The following PRKG1 variants were observed in gnomAD, a reference collection of about 807,000 sequenced individuals.
The protein encoded by PRKG1 is protein kinase cGMP-dependent 1, also known as cGMP-dependent protein kinase 1.
A neutral mutation model predicts 88.1 loss-of-function variants in PRKG1; 35 were observed. The observed-to-expected ratio is 0.40, with a 90% CI of 0.30 to 0.53. PRKG1 has a LOEUF of 0.53. Among genes scored for constraint, PRKG1 ranks in the 20% least tolerant of loss-of-function variants. The pLI, the probability that PRKG1 is intolerant of heterozygous loss-of-function variation, is 0.59. For missense variants in PRKG1, 540 were observed against 839.8 expected (o/e 0.64, Z 4.41); for synonymous variants, 303 against 292.5 (o/e 1.04, Z -0.37).
intron 3 of PRKG1, among the ~76,000 whole-genome samples, chr10:51,715,321 A>T (rs570726304): frequency 4.6e-5 from 7 of 152,200 alleles, no homozygotes; most frequent in African/African-American, 1.7e-4. Context: ...TCTTAATCTA[A>T]TTAGCATGTG....
intron 1 of PRKG1, among the ~76,000 whole-genome samples, chr10:51,051,062 A>C (rs1039896189): frequency 6.6e-6 from 1 of 151,878 alleles, no homozygotes; most frequent in Non-Finnish European, 1.5e-5. Flanking sequence ...GGATATGAAC[A>C]CCTCATCAGA....
At chr10:51,613,928 A>G (rs1838977797) in intron 3 of PRKG1, among the ~76,000 whole-genome samples, 1 of 151,886 alleles carries the variant, frequency 6.6e-6, no homozygotes. Context: ...TATCCTGGAG[A>G]ATATTCCATG....
At chr10:51,907,640 G>C in intron 5 of PRKG1, 70 bp downstream of exon 5, 3 of 1,336,290 alleles carry the variant, frequency 2.2e-6, no homozygotes, top group Non-Finnish European at 3.2e-6. Flanking sequence ...TTTCACAGCT[G>C]TGTGATGAGG....
intron 2 of PRKG1, among the ~76,000 whole-genome samples, chr10:51,251,277 C>T (rs937873093): frequency 1.3e-4 from 19 of 151,742 alleles, no homozygotes; most frequent in Admixed American, 1.3e-3. Flanking sequence ...TTTAGTCTGA[C>T]AGAATCAAGT....
chr10:51,044,736 G>A (rs536705590), intron 1 of PRKG1, among the ~76,000 whole-genome samples: 3 of 152,214 alleles, frequency 2.0e-5, no homozygotes, highest in South Asian at 4.2e-4. Flanking sequence ...TGTTGGGCTA[G>A]GTGGGGAGAG....
At chr10:52,272,005 T>C (rs1025832750) in intron 11 of PRKG1, among the ~76,000 whole-genome samples, 2 of 152,088 alleles carry the variant, frequency 1.3e-5, no homozygotes, top group Non-Finnish European at 2.9e-5. Context: ...GAATAGCATA[T>C]GAAATTTATA....
At chr10:52,251,505 G>T in intron 9 of PRKG1, 65 bp from the exon 10 acceptor site, 2 of 1,188,776 alleles carry the variant, frequency 1.7e-6, no homozygotes, top group African/African-American at 1.5e-5. Flanking sequence ...TTCTGGTACA[G>T]ATGTACGTGG....
chr10:51,895,782 T>C (rs1346225696), intron 4 of PRKG1, among the ~76,000 whole-genome samples: 3 of 152,042 alleles, frequency 2.0e-5, no homozygotes, highest in Non-Finnish European at 4.4e-5. Context: ...CCTAGATTCA[T>C]TGGAATCTAA....
At chr10:51,549,674 G>T (rs1364011077) in intron 3 of PRKG1, among the ~76,000 whole-genome samples, 1 of 152,078 alleles carries the variant, frequency 6.6e-6, no homozygotes, top group Non-Finnish European at 1.5e-5. Flanking sequence ...AGCTGACCTT[G>T]TTTTCCTGAA....
chr10:51,324,710 C>T (rs906964656), intron 2 of PRKG1, among the ~76,000 whole-genome samples: 1 of 152,174 alleles, frequency 6.6e-6, no homozygotes, highest in African/African-American at 2.4e-5. Context: ...CACTGCACTC[C>T]AGCCTGGGCG....
intron 2 of PRKG1, among the ~76,000 whole-genome samples, chr10:51,280,329 A>T (rs1244974341): frequency 6.6e-6 from 1 of 152,104 alleles, no homozygotes; most frequent in African/African-American, 2.4e-5. Context: ...AACTTTGGTG[A>T]ATCTGACAAT....
chr10:51,243,370 G>A (rs1839204217), intron 2 of PRKG1, among the ~76,000 whole-genome samples: 1 of 152,198 alleles, frequency 6.6e-6, no homozygotes, highest in Non-Finnish European at 1.5e-5. Flanking sequence ...CCCTGGAATA[G>A]CTGTGAAGCC....
At chr10:51,434,080 T>C (rs961314394) in intron 2 of PRKG1, among the ~76,000 whole-genome samples, 7 of 152,154 alleles carry the variant, frequency 4.6e-5, no homozygotes, top group Admixed American at 4.6e-4. Context: ...CCCCAGTGCA[T>C]TGCAACTGTC....
chr10:52,008,513 T>C (rs963445439), intron 5 of PRKG1, among the ~76,000 whole-genome samples: 2 of 152,064 alleles, frequency 1.3e-5, no homozygotes, highest in Non-Finnish European at 2.9e-5. Flanking sequence ...TCACACAAGC[T>C]AGAAAATCTA....
At chr10:51,124,907 GCTCTC>G (rs1845358878) in intron 1 of PRKG1, among the ~76,000 whole-genome samples, 1 of 152,150 alleles carries the variant, frequency 6.6e-6, no homozygotes, top group Non-Finnish European at 1.5e-5. Flanking sequence ...CCACAAAGAT[GCTCTC>G]CTTTGAGTTG....
chr10:52,035,196 C>G (rs1589541881), intron 5 of PRKG1, among the ~76,000 whole-genome samples: 1 of 152,106 alleles, frequency 6.6e-6, no homozygotes, highest in African/African-American at 2.4e-5. Flanking sequence ...GGAAAGGCCT[C>G]TACCTATCCA....
intron 3 of PRKG1, among the ~76,000 whole-genome samples, chr10:51,620,155 A>C (rs1190266811): frequency 6.6e-6 from 1 of 152,230 alleles, no homozygotes; most frequent in South Asian, 2.1e-4. Flanking sequence ...GATAACTTGG[A>C]CTATAGGGAA....
At chr10:51,430,572 C>A (rs1386907622) in intron 2 of PRKG1, among the ~76,000 whole-genome samples, 3 of 152,132 alleles carry the variant, frequency 2.0e-5, no homozygotes, top group Non-Finnish European at 4.4e-5. Context: ...AATAAAGAAC[C>A]TGACTATACT....
chr10:51,726,224 C>T (rs1842126955), intron 3 of PRKG1, among the ~76,000 whole-genome samples: 1 of 152,154 alleles, frequency 6.6e-6, no homozygotes, highest in Non-Finnish European at 1.5e-5. Context: ...TTTTACACAT[C>T]ACTATGCTAT....
Sources: allele counts gnomAD v4.1 joint callset (sites outside exome capture counted in the v4.1 genomes callset), GRCh38; gene constraint gnomAD v4.1.1; transcripts MANE v1.5; gene names NCBI Gene and HGNC (gene_info 2026-07-23, HGNC 2026-07-21).